SPON1: variants seen among roughly 807,000 people sequenced by gnomAD.
SPON1 encodes the protein spondin 1.
A neutral mutation model predicts 111.7 loss-of-function variants in SPON1; 52 were observed. The ratio of observed to expected loss-of-function variants is 0.47; its 90% confidence interval spans 0.37 to 0.59. The LOEUF is 0.59. Among genes scored for constraint, SPON1 ranks in the 20% least tolerant of loss-of-function variants. SPON1 has a pLI of 0.00. For synonymous variants in SPON1, 410 were observed against 395.8 expected, an observed-to-expected ratio of 1.04 and a Z score of -0.43; for missense variants, 957 against 1,068.5, an observed-to-expected ratio of 0.90 and a Z score of 1.46.
chr11:14,042,394 GAA>G, intron 3 of SPON1, among the ~76,000 whole-genome samples: 1 of 149,324 alleles, frequency 6.7e-6, no homozygotes, highest in African/African-American at 2.5e-5. Context: ...AAGTCCTGGC[GAA>G]AAAAAAAAAT....
In SPON1 at chr11:14,135,407, T is replaced by C. The variant is rs781971930; in HGVS notation, c.677-13T>C. On this transcript the variant is annotated splice_polypyrimidine_tract_variant and intron_variant, in intron 5 of 15. Transcript: ENST00000576479. This position sits in a 1 kb window ranked among gnomAD's most constrained non-coding sequence, Gnocchi z 4.4. ...AGCCATGCTGATAACTGCCTCCTGA[T>C]TGGCTTTCCCAGGTCGGGCCAACCA... 8 of 1,601,940 alleles carry C rather than the reference T, an allele frequency of 5.0e-6. No individual in the cohort carries two copies. In the African/African-American group the frequency reaches 8.0e-5, roughly 16 times the overall value.
At chr11:14,125,054 A>T (rs11824696) in intron 5 of SPON1, among the ~76,000 whole-genome samples, 3,616 of 152,290 alleles carry the variant, frequency 0.024, 140 homozygotes, top group African/African-American at 0.082. Context: ...TGGGATGGGA[A>T]CCTGAAAACC....
At chr11:14,180,704 G>A (rs1226901071) in intron 6 of SPON1, among the ~76,000 whole-genome samples, 4 of 152,162 alleles carry the variant, frequency 2.6e-5, no homozygotes, top group African/African-American at 9.7e-5. Flanking sequence ...CCTTCTTTAA[G>A]TCAGGGAGTT....
intron 6 of SPON1, among the ~76,000 whole-genome samples, chr11:14,148,806 T>G (rs1847754775): frequency 6.6e-6 from 1 of 152,188 alleles, no homozygotes; most frequent in Non-Finnish European, 1.5e-5. Flanking sequence ...TTTCACCAGA[T>G]TGTGTCTCTG....
intron 2 of SPON1, among the ~76,000 whole-genome samples, chr11:13,988,470 G>C (rs1228789265): frequency 6.6e-6 from 1 of 151,588 alleles, no homozygotes; most frequent in African/African-American, 2.4e-5. Context: ...GGTTTTCTAA[G>C]TATACAATCA....
chr11:14,237,625 G>A (rs1848882397), intron 6 of SPON1, among the ~76,000 whole-genome samples: 1 of 152,198 alleles, frequency 6.6e-6, no homozygotes, highest in African/African-American at 2.4e-5. Flanking sequence ...TTGAATGGGG[G>A]AATGCACACT....
At chr11:14,014,496 C>T (rs373074486) in intron 2 of SPON1, among the ~76,000 whole-genome samples, 16 of 152,192 alleles carry the variant, frequency 1.1e-4, no homozygotes, top group Non-Finnish European at 1.5e-5. Context: ...CAGGTTTCAT[C>T]TTATGTGTCA....
intron 6 of SPON1, among the ~76,000 whole-genome samples, chr11:14,220,769 T>TAA (rs1848672250): frequency 6.6e-6 from 1 of 152,222 alleles, no homozygotes; most frequent in Non-Finnish European, 1.5e-5. Context: ...GAGTTATTAG[T>TAA]TTAATTGAAT....
At chr11:13,969,514 T>G (rs1016313886) in intron 1 of SPON1, among the ~76,000 whole-genome samples, 7 of 151,970 alleles carry the variant, frequency 4.6e-5, no homozygotes, top group African/African-American at 1.7e-4. Context: ...GGAATGAGGG[T>G]AAGGTAAATC....
chr11:14,128,359 G>T (rs983582287), intron 5 of SPON1, among the ~76,000 whole-genome samples: 1 of 152,178 alleles, frequency 6.6e-6, no homozygotes, highest in Non-Finnish European at 1.5e-5. Context: ...AAACAAAGGG[G>T]CTATAGGCCC....
chr11:14,262,603 C>G (rs1849198963), intron 14 of SPON1, 109 bp from the exon 15 acceptor site: 3 of 1,396,274 alleles, frequency 2.1e-6, no homozygotes, highest in Non-Finnish European at 2.0e-6. Context: ...TAGCATGACA[C>G]AGCACCTGCT....
intron 15 of SPON1, among the ~76,000 whole-genome samples, chr11:14,265,123 C>A (rs11023167): frequency 6.6e-6 from 1 of 152,240 alleles, no homozygotes; most frequent in Admixed American, 6.5e-5. Flanking sequence ...GCCTCACCTG[C>A]GTATCTGGGG....
chr11:14,058,195 A>T (rs1848762196), intron 3 of SPON1, among the ~76,000 whole-genome samples: 1 of 152,058 alleles, frequency 6.6e-6, no homozygotes, highest in African/African-American at 2.4e-5. Flanking sequence ...GCAGGCAAGG[A>T]CTTGCCAGAC....
intron 4 of SPON1, among the ~76,000 whole-genome samples, chr11:14,076,973 C>G (rs1423585871): frequency 1.3e-5 from 2 of 152,324 alleles, no homozygotes; most frequent in African/African-American, 4.8e-5. Flanking sequence ...GGGAGCATCT[C>G]CACTTATTAA....
At chr11:13,998,289 A>G (rs1000223675) in intron 2 of SPON1, among the ~76,000 whole-genome samples, 1 of 152,156 alleles carries the variant, frequency 6.6e-6, no homozygotes, top group Non-Finnish European at 1.5e-5. Context: ...CATTTTCTCT[A>G]TTCTGCATCT....
At position 14,169,346 on chromosome 11, in the gene SPON1, GT is replaced by G. The variant is rs782013256; in HGVS notation, c.825+33788del. 3.6e-4 allele frequency among the ~76,000 whole-genome samples: 54 copies of G among 149,022 alleles called. 1 individual carries two copies. The highest frequency in any genetic ancestry group is 2.1e-3 in the Admixed American group (32 of 14,968). ...TATCCTTCACCCACTTTTTGATGGG[GT>G]TTTTTTTTTCTTGTAAATTTGTTTG... is the stretch of plus-strand genomic sequence containing the variant. On this transcript the variant is annotated intron_variant, in intron 6 of 15. Coordinates refer to ENST00000576479, the MANE Select transcript of SPON1 (RefSeq NM_006108.4).
chr11:14,004,144 TACAC>T (rs782346733), intron 2 of SPON1, among the ~76,000 whole-genome samples: 2 of 152,028 alleles, frequency 1.3e-5, no homozygotes, highest in Admixed American at 6.6e-5. Context: ...AATATTCCAT[TACAC>T]ACACAGACAC....
rs1277903384 is a variant in SPON1, at chr11:14,057,844, C to CAAAAAAA, written c.479+16194_479+16195insAAAAAAA. ...ACCTTGTCTCTACAAAAAAAAAAAA[C>CAAAAAAA]AAAACAAAAACTTAAAAATAAAATT... On this transcript the variant is annotated intron_variant, in intron 3 of 15. Coordinates refer to ENST00000576479, the MANE Select transcript of SPON1 (RefSeq NM_006108.4). Among the ~76,000 whole-genome samples, 375 of 125,486 alleles carry CAAAAAAA rather than the reference C, an allele frequency of 3.0e-3. 9 individuals carry two copies. The East Asian group carries it at 0.038, about 13-fold the overall frequency. 82.3% of individuals were successfully genotyped at this position (125,486 alleles called of 152,430 possible).
intron 6 of SPON1, among the ~76,000 whole-genome samples, chr11:14,160,945 T>TTA (rs1564919790): frequency 2.0e-4 from 8 of 40,334 alleles, no homozygotes; most frequent in African/African-American, 5.3e-4. Context: ...ATATATATAT[T>TTA]TATATATTTA....
Sources: gnomAD v4.1 joint callset for allele counts (sites outside exome capture counted in the v4.1 genomes callset) on GRCh38, gnomAD v4.1.1 for gene constraint, Gnocchi (gnomAD v3.1) non-coding constraint, MANE v1.5 for transcripts, NCBI Gene and HGNC (gene_info 2026-07-23, HGNC 2026-07-21) for gene names.